CROT: variants seen among roughly 807,000 people sequenced by gnomAD.
CROT encodes carnitine O-octanoyltransferase.
Under a neutral mutation model 89.2 loss-of-function variants are expected in CROT, and 84 were observed. That is an observed-to-expected ratio of 0.94 (90% CI 0.79 to 1.13). CROT has a LOEUF of 1.13. CROT is among the 50% of genes most tolerant of loss of function. The pLI, the probability that CROT is intolerant of heterozygous loss-of-function variation, is 0.00. For synonymous variants in CROT, 212 were observed against 239.5 expected (o/e 0.89, Z 1.06); for missense variants, 711 against 727.8 (o/e 0.98, Z 0.27).
intron 6 of CROT, among the ~76,000 whole-genome samples, chr7:87,367,022 T>A (rs1806469153): frequency 6.6e-6 from 1 of 152,224 alleles, no homozygotes; most frequent in African/African-American, 2.4e-5. Context: ...CTTCCCATCA[T>A]GACATTTACC....
intron 13 of CROT, among the ~76,000 whole-genome samples, chr7:87,386,857 G>T (rs1404966403): frequency 2.0e-5 from 3 of 152,076 alleles, no homozygotes; most frequent in Non-Finnish European, 2.9e-5. Flanking sequence ...CATTGTCTCT[G>T]GCTGCCTTTA....
At chr7:87,362,719 T>A (rs759472764) in intron 6 of CROT, among the ~76,000 whole-genome samples, 5 of 151,118 alleles carry the variant, frequency 3.3e-5, no homozygotes, top group Non-Finnish European at 7.4e-5. Context: ...AAAATTCTGC[T>A]GTGGTAACTG....
intron 10 of CROT, among the ~76,000 whole-genome samples, chr7:87,377,998 C>T (rs2115961679): frequency 1.3e-5 from 2 of 152,178 alleles, no homozygotes; most frequent in South Asian, 4.2e-4. Context: ...TAGCTGTCTA[C>T]TAACTGTCTG....
At chr7:87,379,139 G>A (rs1053840500) in intron 10 of CROT, among the ~76,000 whole-genome samples, 1 of 152,020 alleles carries the variant, frequency 6.6e-6, no homozygotes, top group African/African-American at 2.4e-5. Context: ...ACTGCCCCCT[G>A]GCTTCTTCCC....
chr7:87,376,419 A>G (rs577536278), intron 9 of CROT, among the ~76,000 whole-genome samples: 1 of 152,206 alleles, frequency 6.6e-6, no homozygotes, highest in South Asian at 2.1e-4. Flanking sequence ...GAACACATTG[A>G]TGTCAGTGAC....
intron 4 of CROT, chr7:87,360,069 A>G (rs1806222574): frequency 2.0e-6 from 2 of 975,662 alleles, no homozygotes; most frequent in Non-Finnish European, 2.4e-6. Flanking sequence ...TTTGTTCTCA[A>G]TTTTGAGCCT....
chr7:87,364,618 A>T, intron 6 of CROT, among the ~76,000 whole-genome samples: 1 of 152,230 alleles, frequency 6.6e-6, no homozygotes, highest in East Asian at 1.9e-4. Flanking sequence ...GAGATCAAAA[A>T]TAATTTTTTA....
intron 4 of CROT, among the ~76,000 whole-genome samples, chr7:87,360,538 G>T (rs934913116): frequency 9.9e-5 from 15 of 152,030 alleles, no homozygotes; most frequent in Non-Finnish European, 2.2e-4. Flanking sequence ...ATAGGGTTTT[G>T]CCATGTTGGC....
chr7:87,394,180 C>G (rs1202473606), intron 17 of CROT, among the ~76,000 whole-genome samples: 11 of 152,112 alleles, frequency 7.2e-5, no homozygotes, highest in Admixed American at 7.2e-4. Flanking sequence ...CACTGTACTA[C>G]TATAATAATT....
At chr7:87,368,280 C>T (rs373261287) in intron 6 of CROT, among the ~76,000 whole-genome samples, 2 of 152,216 alleles carry the variant, frequency 1.3e-5, no homozygotes, top group Non-Finnish European at 2.9e-5. Flanking sequence ...CTGCCACCCT[C>T]ACCCTTTCCA....
chr7:87,380,152 A>G (rs1280285895), intron 10 of CROT, among the ~76,000 whole-genome samples: 1 of 88,058 alleles, frequency 1.1e-5, no homozygotes, highest in East Asian at 3.4e-4. Flanking sequence ...TGTACTGTAA[A>G]ATAAAGCTTA....
chr7:87,366,068 A>G (rs1428679666), intron 6 of CROT, among the ~76,000 whole-genome samples: 1 of 152,120 alleles, frequency 6.6e-6, no homozygotes, highest in Non-Finnish European at 1.5e-5. Flanking sequence ...AATTTGATCC[A>G]AATTTCCCAT....
chr7:87,375,569 A>G, intron 7 of CROT, 63 bp from the exon 8 acceptor site: 1 of 1,246,046 alleles, frequency 8.0e-7, no homozygotes, highest in Non-Finnish European at 1.2e-6. Context: ...ATGACCTTTT[A>G]AAGGCCAAAG....
chr7:87,367,916 C>T (rs1468237044), intron 6 of CROT, among the ~76,000 whole-genome samples: 4 of 152,176 alleles, frequency 2.6e-5, no homozygotes, highest in Admixed American at 1.3e-4. Flanking sequence ...TTCTCTTCAC[C>T]CTTGTAATCT....
chr7:87,363,432 G>A (rs1286250623), intron 6 of CROT, among the ~76,000 whole-genome samples: 1 of 152,216 alleles, frequency 6.6e-6, no homozygotes, highest in Non-Finnish European at 1.5e-5. Flanking sequence ...TGAACCTGCA[G>A]AGTTTTTTGG....
chr7:87,368,525 A>G (rs1584631735), intron 6 of CROT, among the ~76,000 whole-genome samples: 1 of 152,184 alleles, frequency 6.6e-6, no homozygotes, highest in East Asian at 1.9e-4. Context: ...GGTATAAGAG[A>G]AAAAAGAGTA....
chr7:87,354,750 A>C (rs1806004174), intron 3 of CROT, among the ~76,000 whole-genome samples: 1 of 152,224 alleles, frequency 6.6e-6, no homozygotes, highest in East Asian at 1.9e-4. Context: ...GAAACAGTTT[A>C]TAAAAGTAAA....
chr7:87,393,445 A>G (rs1257685378), intron 17 of CROT, among the ~76,000 whole-genome samples: 1 of 152,194 alleles, frequency 6.6e-6, no homozygotes, highest in African/African-American at 2.4e-5. Context: ...AATGAGATAG[A>G]GAAAAGAGAT....
chr7:87,398,571 C>T lies in CROT; in HGVS notation c.1766C>T (p.Ala589Val), dbSNP rs867575318. The T allele has an allele frequency of 2.3e-5, 37 of 1,613,504 alleles. No homozygotes were observed. The highest frequency in any genetic ancestry group is 4.4e-5 in the South Asian group (4 of 91,068). ...SAWKSCPETD[A>V]EKLVQLTFCA... ...TGGAAATCCTGTCCCGAGACTGATG[C>T]GGAAAAGCTAGTTCAGCTGACTTTT... The change falls in exon 18 of 18, where the codon GCG becomes GTG. Residue 589 changes from alanine (A) to valine (V), a missense_variant. Physicochemically the swap from Ala to Val is moderately conservative, Grantham distance 64. Coordinates refer to ENST00000331536, the MANE Select transcript of CROT (RefSeq NM_021151.4).
Sources: allele counts gnomAD v4.1 joint callset (sites outside exome capture counted in the v4.1 genomes callset), GRCh38; gene constraint gnomAD v4.1.1; transcripts MANE v1.5; gene names NCBI Gene and HGNC (gene_info 2026-07-23, HGNC 2026-07-21).